The following SERINC5 variants were observed in gnomAD, a reference collection of about 807,000 sequenced individuals.
SERINC5 encodes the protein chromosome 5 open reading frame 12.
Under a neutral mutation model 63.1 loss-of-function variants are expected in SERINC5, and 41 were observed. The observed-to-expected ratio is 0.65, with a 90% confidence interval of 0.51 to 0.84. The LOEUF (loss-of-function observed/expected upper bound fraction) is 0.84. SERINC5 is among the 40% of genes least tolerant of loss of function. The pLI is 0.00. For synonymous variants in SERINC5, 222 were observed against 215.2 expected (o/e 1.03, Z -0.28); for missense variants, 523 against 573.0 (o/e 0.91, Z 0.89).
chr5:80,164,372 CTTATT>C (rs900952806), intron 7 of SERINC5, among the ~76,000 whole-genome samples: 74 of 150,922 alleles, frequency 4.9e-4, no homozygotes, highest in South Asian at 6.3e-4. Flanking sequence ...TATTTAGTTC[CTTATT>C]TTATTTTATT....
chr5:80,181,323 TGCAACCGTC>T (rs1380714718), intron 2 of SERINC5, among the ~76,000 whole-genome samples: 1 of 152,170 alleles, frequency 6.6e-6, no homozygotes, highest in African/African-American at 2.4e-5. Flanking sequence ...CTTGGCTCAC[TGCAACCGTC>T]GCCTCCAGGG....
intron 11 of SERINC5, among the ~76,000 whole-genome samples, chr5:80,117,764 A>T (rs1321975198): frequency 1.3e-5 from 2 of 151,756 alleles, no homozygotes; most frequent in East Asian, 3.9e-4. Context: ...CCTCCAAAGG[A>T]TCTAGGGGGT....
intron 2 of SERINC5, among the ~76,000 whole-genome samples, chr5:80,191,112 A>C (rs1296041801): frequency 6.6e-6 from 1 of 152,054 alleles, no homozygotes; most frequent in Non-Finnish European, 1.5e-5. Context: ...CAAAAACCAA[A>C]AAAAAAAACC....
chr5:80,247,640 AG>A (rs1187949017), intron 1 of SERINC5, among the ~76,000 whole-genome samples: 1 of 152,206 alleles, frequency 6.6e-6, no homozygotes, highest in Non-Finnish European at 1.5e-5. Flanking sequence ...GGTAAGTGAC[AG>A]AGGATTACCT....
chr5:80,245,539 C>G (rs1752131523), intron 1 of SERINC5, among the ~76,000 whole-genome samples: 1 of 152,200 alleles, frequency 6.6e-6, no homozygotes, highest in Admixed American at 6.5e-5. Flanking sequence ...ACAAGTCACT[C>G]CCAAGCACAA....
chr5:80,203,758 C>T (rs1207702698), intron 1 of SERINC5, among the ~76,000 whole-genome samples: 1 of 152,136 alleles, frequency 6.6e-6, no homozygotes, highest in Non-Finnish European at 1.5e-5. Context: ...TATTTCGTTA[C>T]TAATGCTCTT....
chr5:80,150,724 C>T (rs1212222970), intron 9 of SERINC5, among the ~76,000 whole-genome samples, 158 bp downstream of exon 9: 1 of 152,236 alleles, frequency 6.6e-6, no homozygotes, highest in Non-Finnish European at 1.5e-5. Flanking sequence ...GCGTGAGCCA[C>T]CACACCCGGC....
chr5:80,211,973 C>G (rs1750451954), intron 1 of SERINC5, among the ~76,000 whole-genome samples: 1 of 152,170 alleles, frequency 6.6e-6, no homozygotes, highest in African/African-American at 2.4e-5. Flanking sequence ...GTATGAACCC[C>G]TCGGCCATAT....
intron 11 of SERINC5, 129 bp downstream of exon 11, chr5:80,145,961 G>A (rs1158622583): frequency 1.1e-6 from 1 of 926,488 alleles, no homozygotes; most frequent in East Asian, 2.6e-5. Context: ...AGTGAGCCAG[G>A]ATCGTGCCAC....
intron 1 of SERINC5, among the ~76,000 whole-genome samples, chr5:80,224,538 A>G (rs1751078239): frequency 6.6e-6 from 1 of 152,210 alleles, no homozygotes; most frequent in South Asian, 2.1e-4. Flanking sequence ...CAGTCCTTCC[A>G]AAGAAGGGAG....
chr5:80,145,365 G>T (rs532802866), intron 11 of SERINC5, among the ~76,000 whole-genome samples: 1 of 148,284 alleles, frequency 6.7e-6, no homozygotes, highest in Non-Finnish European at 1.5e-5. Flanking sequence ...AACTACAGAG[G>T]TTTATAAATG....
At chr5:80,217,731 A>G (rs145611969) in intron 1 of SERINC5, among the ~76,000 whole-genome samples, 113 of 152,256 alleles carry the variant, frequency 7.4e-4, no homozygotes, top group African/African-American at 2.4e-3. Flanking sequence ...CTCTCAGGAA[A>G]CTCACATTTT....
intron 11 of SERINC5, chr5:80,116,424 A>C (rs1744323851): frequency 2.3e-6 from 1 of 430,730 alleles, no homozygotes; most frequent in Non-Finnish European, 4.6e-6. Flanking sequence ...TATGAACCTT[A>C]TCAGAAACTT....
downstream of SERINC5, among the ~76,000 whole-genome samples, chr5:80,134,134 G>A (rs1745058241): frequency 6.6e-6 from 1 of 152,152 alleles, no homozygotes; most frequent in African/African-American, 2.4e-5. Context: ...GCAGTTTATA[G>A]TTCCCAGGCT....
At chr5:80,180,653 G>A (rs1258961138) in intron 2 of SERINC5, among the ~76,000 whole-genome samples, 2 of 152,178 alleles carry the variant, frequency 1.3e-5, no homozygotes, top group Non-Finnish European at 2.9e-5. Context: ...GCAGGAAAAG[G>A]GGGCAGGTGG....
At chr5:80,143,890 T>G in intron 11 of SERINC5, 80 bp from the exon 12 acceptor site, 1 of 1,467,642 alleles carries the variant, frequency 6.8e-7, no homozygotes, top group South Asian at 1.3e-5. Context: ...CCATTTATAA[T>G]GTATAATTCA....
chr5:80,252,248 C>T (rs144169863), intron 1 of SERINC5, among the ~76,000 whole-genome samples: 8,803 of 151,932 alleles, frequency 0.058, 368 homozygotes, highest in Admixed American at 0.13. Flanking sequence ...TTAGTAGAGA[C>T]AGGGTTTCAC....
chr5:80,121,561 A>G (rs545523763), intron 11 of SERINC5, among the ~76,000 whole-genome samples: 1 of 152,288 alleles, frequency 6.6e-6, no homozygotes, highest in South Asian at 2.1e-4. Context: ...CATCTAAACT[A>G]TATCATACAC....
intron 1 of SERINC5, among the ~76,000 whole-genome samples, chr5:80,232,820 T>A (rs1751511202): frequency 6.6e-6 from 1 of 151,870 alleles, no homozygotes; most frequent in Admixed American, 6.6e-5. Context: ...TACTGACACG[T>A]GCTACAACAT....
Sources: gnomAD v4.1 joint callset for allele counts (sites outside exome capture counted in the v4.1 genomes callset) on GRCh38, gnomAD v4.1.1 for gene constraint, MANE v1.5 for transcripts, NCBI Gene and HGNC (gene_info 2026-07-23, HGNC 2026-07-21) for gene names.